IGSF11: variants seen among roughly 807,000 people sequenced by gnomAD.
The protein encoded by IGSF11 is immunoglobulin superfamily member 11.
A neutral mutation model predicts 41.0 loss-of-function variants in IGSF11; 22 were observed. The observed-to-expected ratio is 0.54, with a 90% confidence interval of 0.38 to 0.77. The LOEUF is 0.77. Among genes scored for constraint, IGSF11 ranks in the 30% least tolerant of loss-of-function variants. The pLI is 0.00. For missense variants in IGSF11, 444 were observed against 530.8 expected (o/e 0.84, Z 1.61); for synonymous variants, 219 against 201.3 (o/e 1.09, Z -0.74).
At chr3:118,938,258 C>T (rs182381942) in intron 1 of IGSF11, among the ~76,000 whole-genome samples, 5 of 152,298 alleles carry the variant, frequency 3.3e-5, no homozygotes, top group Non-Finnish European at 4.4e-5. Context: ...TATCAGCTTA[C>T]GTATTCTACT....
chr3:118,908,291 C>G (rs1474231), intron 4 of IGSF11, among the ~76,000 whole-genome samples: 35,141 of 152,120 alleles, frequency 0.23, 6,662 homozygotes, highest in African/African-American at 0.51. Flanking sequence ...AATACTATGA[C>G]CATGTTTCTG....
At chr3:118,905,224 T>C (rs1939435028) in intron 5 of IGSF11, among the ~76,000 whole-genome samples, 1 of 152,134 alleles carries the variant, frequency 6.6e-6, no homozygotes, top group South Asian at 2.1e-4. Context: ...TTTTCTACAC[T>C]GCCATTTATA....
At chr3:119,089,388 T>TA (rs979996590) in intron 1 of IGSF11, among the ~76,000 whole-genome samples, 1 of 151,782 alleles carries the variant, frequency 6.6e-6, no homozygotes. Context: ...TCCTTCATGA[T>TA]AAAAAACCCT....
chr3:118,950,170 C>G (rs4405907), intron 1 of IGSF11, among the ~76,000 whole-genome samples: 13,237 of 152,172 alleles, frequency 0.087, 646 homozygotes, highest in East Asian at 0.13. Context: ...CACACTCACT[C>G]TATACTTTCT....
intron 1 of IGSF11, among the ~76,000 whole-genome samples, chr3:119,041,354 G>T (rs1941112486): frequency 6.6e-6 from 1 of 152,200 alleles, no homozygotes; most frequent in African/African-American, 2.4e-5. Context: ...GGCCAAGGCA[G>T]GTGGATCACC....
Position 119,048,009 on chromosome 3 carries a change from G to T in IGSF11, c.49+57135C>A, listed in dbSNP as rs541771527. On this transcript the variant is annotated intron_variant, in intron 1 of 6. Transcript: ENST00000354673. Reference sequence around the variant, plus strand: ...ATACATTCAAAGCAGTGTGTAGAGGGAAATTTATAGCACTAAATGCCCACA... The same window carrying T: ...ATACATTCAAAGCAGTGTGTAGAGGTAAATTTATAGCACTAAATGCCCACA... 5.9e-5 allele frequency among the ~76,000 whole-genome samples: 9 copies of T among 151,958 alleles called. No individual in the cohort carries two copies. In the East Asian group the frequency reaches 1.5e-3, roughly 26 times the overall value.
intron 1 of IGSF11, among the ~76,000 whole-genome samples, chr3:119,095,609 T>C (rs1392099207): frequency 6.6e-6 from 1 of 152,200 alleles, no homozygotes; most frequent in Admixed American, 6.5e-5. Flanking sequence ...AGGACTTCAT[T>C]ACTTACAGCA....
At chr3:119,125,940 C>A (rs544350158) in intron 1 of IGSF11, among the ~76,000 whole-genome samples, 66 of 152,330 alleles carry the variant, frequency 4.3e-4, no homozygotes, top group Non-Finnish European at 5.3e-4. Flanking sequence ...CCACCGGGGC[C>A]TAGCATCCCA....
At chr3:119,008,217 C>T (rs1390205484) in intron 1 of IGSF11, among the ~76,000 whole-genome samples, 1 of 128,654 alleles carries the variant, frequency 7.8e-6, no homozygotes, top group African/African-American at 3.9e-5. Flanking sequence ...TTTCAGAAAT[C>T]TCCACAAAAG....
chr3:119,060,723 T>C (rs1369584), intron 1 of IGSF11, among the ~76,000 whole-genome samples: 30,436 of 152,106 alleles, frequency 0.2, 4,098 homozygotes, highest in African/African-American at 0.37. Context: ...ATGGCCAGTG[T>C]TCTTTCCACT....
chr3:119,114,041 G>A (rs1160990743), intron 1 of IGSF11, among the ~76,000 whole-genome samples: 2 of 152,224 alleles, frequency 1.3e-5, no homozygotes, highest in African/African-American at 4.8e-5. Flanking sequence ...AGGATGCAAG[G>A]AGCAGTGTCC....
At chr3:119,113,687 G>T (rs1295480421) in intron 1 of IGSF11, among the ~76,000 whole-genome samples, 1 of 152,160 alleles carries the variant, frequency 6.6e-6, no homozygotes, top group Non-Finnish European at 1.5e-5. Context: ...CTACCATTCT[G>T]GGGTGTGGAG....
chr3:119,060,115 TC>T (rs1468021204), intron 1 of IGSF11, among the ~76,000 whole-genome samples: 1 of 152,170 alleles, frequency 6.6e-6, no homozygotes, highest in African/African-American at 2.4e-5. Flanking sequence ...CCTTTAGACT[TC>T]CCGTCTTTTC....
intron 1 of IGSF11, among the ~76,000 whole-genome samples, chr3:118,948,823 A>T (rs375337333): frequency 6.5e-4 from 98 of 151,908 alleles, no homozygotes; most frequent in African/African-American, 2.3e-3. Flanking sequence ...ATAAAAAAAA[A>T]TAGCCGGGCA....
intron 1 of IGSF11, among the ~76,000 whole-genome samples, chr3:119,031,409 C>T (rs926797289): frequency 1.3e-5 from 2 of 152,180 alleles, no homozygotes; most frequent in Non-Finnish European, 2.9e-5. Flanking sequence ...ATCTTTTGCA[C>T]CAGCACATCA....
At chr3:119,120,790 A>G (rs766146255) in intron 1 of IGSF11, among the ~76,000 whole-genome samples, 2 of 152,216 alleles carry the variant, frequency 1.3e-5, no homozygotes, top group Non-Finnish European at 2.9e-5. Context: ...TATTGAATGT[A>G]CCTGGCTTCC....
At chr3:118,945,566 A>C (rs988957245) in intron 1 of IGSF11, among the ~76,000 whole-genome samples, 1 of 152,206 alleles carries the variant, frequency 6.6e-6, no homozygotes, top group Non-Finnish European at 1.5e-5. Context: ...GAAACCACAG[A>C]GTGCCGGAAG....
At chr3:118,991,865 T>G (rs1027830548) in intron 1 of IGSF11, among the ~76,000 whole-genome samples, 3 of 152,216 alleles carry the variant, frequency 2.0e-5, no homozygotes, top group Non-Finnish European at 2.9e-5. Flanking sequence ...GAGAACAGAA[T>G]CACTTAATAC....
chr3:119,029,330 G>A (rs934126824), intron 1 of IGSF11, among the ~76,000 whole-genome samples: 3 of 151,288 alleles, frequency 2.0e-5, no homozygotes, highest in Admixed American at 6.6e-5. Context: ...GAGGAGAAAG[G>A]GAATTTTATT....
Sources: allele counts gnomAD v4.1 joint callset (sites outside exome capture counted in the v4.1 genomes callset), GRCh38; gene constraint gnomAD v4.1.1; transcripts MANE v1.5; gene names NCBI Gene and HGNC (gene_info 2026-07-23, HGNC 2026-07-21).